TAB2: variants seen among roughly 807,000 people sequenced by gnomAD.
TAB2 encodes the protein TGF-beta-activated kinase 1 and MAP3K7-binding protein 2.
A neutral mutation model predicts 65.0 loss-of-function variants in TAB2; 3 were observed. The observed-to-expected ratio is 0.05, with a 90% CI of 0.02 to 0.12. The LOEUF is 0.12. TAB2 is among the 10% of genes least tolerant of loss of function. The probability of loss-of-function intolerance (pLI) is 1.00; values close to 1 mark genes in which losing one functional copy is unlikely to be tolerated. For missense variants in TAB2, 623 were observed against 840.3 expected, an observed-to-expected ratio of 0.74 and a Z score of 3.20; for synonymous variants, 298 against 285.1, an observed-to-expected ratio of 1.05 and a Z score of -0.46.
In TAB2 at chr6:149,288,854, ATTTTTT is replaced by A. The variant is rs71007938; in HGVS notation, c.-121+70094_-121+70099del. The stretch of plus-strand genomic sequence containing the variant: ...CCAGAGTGATTTTTTTTAATTTTTA[ATTTTTT>A]TTTTTTTTTTTTTTTGAGACAGAGT... On this transcript the variant is annotated intron_variant, in intron 1 of 1. Coordinates refer to the TAB2 transcript ENST00000606202. 5.7e-4 allele frequency among the ~76,000 whole-genome samples: 66 copies of A among 115,366 alleles called. No homozygotes were observed. In the East Asian group the frequency reaches 5.9e-3, roughly 10 times the overall value. 75.7% of individuals were successfully genotyped at this position (115,366 alleles called of 152,430 possible).
intron 6 of TAB2, among the ~76,000 whole-genome samples, chr6:149,404,474 C>G (rs1485378287): frequency 2.6e-5 from 4 of 152,070 alleles, no homozygotes; most frequent in African/African-American, 9.7e-5. Flanking sequence ...CCCTGAATAG[C>G]CAAAGCAATC....
At chr6:149,357,430 A>AAAAAAAAAACACACACACAC in intron 1 of TAB2, among the ~76,000 whole-genome samples, 3 of 111,146 alleles carry the variant, frequency 2.7e-5, no homozygotes, top group African/African-American at 1.0e-4. Flanking sequence ...AGAAAAAAAA[A>AAAAAAAAAACACACACACAC]ACACACACAC....
chr6:149,375,235 G>T (rs1463057915), intron 2 of TAB2, among the ~76,000 whole-genome samples: 1 of 151,876 alleles, frequency 6.6e-6, no homozygotes, highest in Non-Finnish European at 1.5e-5. Context: ...TAAGTATGTG[G>T]GAGTTTATCA....
intron 1 of TAB2, chr6:149,246,109 G>C (rs552768222): frequency 9.2e-5 from 14 of 152,206 alleles, no homozygotes; most frequent in African/African-American, 3.4e-4. Context: ...AGTGGAGACA[G>C]GGTTTCACCA....
chr6:149,271,124 C>T (rs1778354862), intron 1 of TAB2, among the ~76,000 whole-genome samples: 1 of 151,890 alleles, frequency 6.6e-6, no homozygotes, highest in Admixed American at 6.6e-5. Context: ...AAGAGGATTG[C>T]TTGAGCCCAG....
chr6:149,397,441 CAA>C (rs375953182), intron 3 of TAB2, among the ~76,000 whole-genome samples, 161 bp from the exon 4 acceptor site: 11 of 129,204 alleles, frequency 8.5e-5, no homozygotes, highest in Non-Finnish European at 8.5e-5. Context: ...AACTCTGTGT[CAA>C]AAAAAAAAAA....
chr6:149,406,003 C>T (rs572954314), intron 6 of TAB2, among the ~76,000 whole-genome samples: 1 of 152,086 alleles, frequency 6.6e-6, no homozygotes, highest in Non-Finnish European at 1.5e-5. Flanking sequence ...TCAAGTTGTA[C>T]AGCTTATAAT....
chr6:149,251,969 TTC>T (rs1388275016), intron 1 of TAB2, among the ~76,000 whole-genome samples: 1 of 147,420 alleles, frequency 6.8e-6, no homozygotes, highest in Admixed American at 6.9e-5. Context: ...TTGTTTTGTT[TTC>T]TTTTTTATAA....
At chr6:149,398,820 A>G (rs1035289243) in intron 5 of TAB2, among the ~76,000 whole-genome samples, 1 of 152,156 alleles carries the variant, frequency 6.6e-6, no homozygotes, top group African/African-American at 2.4e-5. Context: ...AACTTGCCAC[A>G]TAGAACAGGG....
chr6:149,369,041 T>G (rs1307215633), intron 1 of TAB2, among the ~76,000 whole-genome samples: 4 of 152,146 alleles, frequency 2.6e-5, no homozygotes, highest in African/African-American at 4.8e-5. Context: ...ATACCACAAA[T>G]AAGAAATTAG....
At chr6:149,312,988 T>C (rs1779191399), upstream of TAB2, among the ~76,000 whole-genome samples, 1 of 152,138 alleles carries the variant, frequency 6.6e-6, no homozygotes, top group African/African-American at 2.4e-5. Flanking sequence ...CTCATCCTTT[T>C]GTACTCTCAA....
chr6:149,224,090 T>C (rs1179638428), intron 1 of TAB2, among the ~76,000 whole-genome samples: 3 of 152,184 alleles, frequency 2.0e-5, no homozygotes, highest in African/African-American at 7.2e-5. Flanking sequence ...TAAAGGGGCA[T>C]GTTGGACCCA....
intron 1 of TAB2, among the ~76,000 whole-genome samples, chr6:149,358,507 T>A (rs2114826310): frequency 6.6e-6 from 1 of 152,316 alleles, no homozygotes; most frequent in East Asian, 1.9e-4. Context: ...TTCATCAATC[T>A]AGTTATTCCT....
At chr6:149,318,210 G>T (rs902941685) in intron 1 of TAB2, among the ~76,000 whole-genome samples, 195 bp downstream of exon 1, 4 of 151,870 alleles carry the variant, frequency 2.6e-5, no homozygotes, top group African/African-American at 9.7e-5. Flanking sequence ...GAGGCCCCCC[G>T]AGTCCCCCAG....
chr6:149,395,299 A>C (rs571882737), intron 3 of TAB2, among the ~76,000 whole-genome samples: 1 of 152,352 alleles, frequency 6.6e-6, no homozygotes, highest in Admixed American at 6.5e-5. Flanking sequence ...CTCAACAGAT[A>C]TGTTTAATTA....
chr6:149,258,355 A>G, intron 1 of TAB2, among the ~76,000 whole-genome samples: 1 of 152,042 alleles, frequency 6.6e-6, no homozygotes, highest in East Asian at 1.9e-4. Flanking sequence ...GAACTTAGGA[A>G]AATATAGACA....
chr6:149,387,534 T>G (rs563016842), intron 3 of TAB2, among the ~76,000 whole-genome samples: 1 of 152,292 alleles, frequency 6.6e-6, no homozygotes. Flanking sequence ...AATTGGGACA[T>G]GTGAGTTCTC....
At chr6:149,341,480 T>G (rs1256254938) in intron 1 of TAB2, among the ~76,000 whole-genome samples, 3 of 152,198 alleles carry the variant, frequency 2.0e-5, no homozygotes, top group Non-Finnish European at 1.5e-5. Context: ...TGAATGCCTA[T>G]ATGTGCCACA....
intron 1 of TAB2, chr6:149,321,269 A>G (rs1779447412): frequency 1.3e-5 from 2 of 152,226 alleles, no homozygotes; most frequent in African/African-American, 4.8e-5. Context: ...ATGCATGTTC[A>G]TATGTTTTTG....
Sources: gnomAD v4.1 joint callset for allele counts (sites outside exome capture counted in the v4.1 genomes callset) on GRCh38, gnomAD v4.1.1 for gene constraint, MANE v1.5 for transcripts, NCBI Gene and HGNC (gene_info 2026-07-23, HGNC 2026-07-21) for gene names.